The following CAPN3 variants were observed in gnomAD, a reference collection of about 807,000 sequenced individuals.
The protein encoded by CAPN3 is calpain 3.
In CAPN3, 88 loss-of-function variants were observed where a neutral mutation model predicts 114.0. The observed-to-expected ratio is 0.77, with a 90% CI of 0.65 to 0.92. The LOEUF is 0.92. Among genes scored for constraint, CAPN3 ranks in the 40% least tolerant of loss-of-function variants. The probability of loss-of-function intolerance (pLI) is 0.00; values close to 1 mark genes in which losing one functional copy is unlikely to be tolerated. For missense variants in CAPN3, 1,028 were observed against 1,069.0 expected (o/e 0.96, Z 0.53); for synonymous variants, 386 against 382.9 (o/e 1.01, Z -0.09).
chr15:42,409,447 A>G (rs978650228), intron 17 of CAPN3, 67 bp downstream of exon 17: 26 of 1,401,126 alleles, frequency 1.9e-5, no homozygotes, highest in Non-Finnish European at 2.5e-5. Flanking sequence ...TGCTCAGATT[A>G]CCAATTATTT....
chr15:42,362,042 G>A (rs1312824647), intron 1 of CAPN3, among the ~76,000 whole-genome samples: 1 of 152,212 alleles, frequency 6.6e-6, no homozygotes, highest in African/African-American at 2.4e-5. Flanking sequence ...GCTGATGCTG[G>A]TGAGTGAAAA....
At chr15:42,384,197 A>G (rs926479895) in intron 1 of CAPN3, among the ~76,000 whole-genome samples, 4 of 152,048 alleles carry the variant, frequency 2.6e-5, no homozygotes, top group Non-Finnish European at 5.9e-5. Flanking sequence ...GTGGATCACA[A>G]GGTCAAGAGA....
chr15:42,367,493 A>G (rs1055161047), intron 1 of CAPN3, among the ~76,000 whole-genome samples: 8 of 152,234 alleles, frequency 5.3e-5, no homozygotes, highest in African/African-American at 1.9e-4. Flanking sequence ...GAACTTTCAG[A>G]AGTGTATTAT....
At chr15:42,360,589 C>G (rs1328107445) in intron 1 of CAPN3, among the ~76,000 whole-genome samples, 1 of 152,074 alleles carries the variant, frequency 6.6e-6, no homozygotes, top group African/African-American at 2.4e-5. Context: ...TTCTGAAACA[C>G]AGAAACCCTA....
In CAPN3 at chr15:42,360,075, C is replaced by T. The variant is rs753686702; in HGVS notation, c.270C>T (p.Ser90=). Residue 90 remains serine (S), a synonymous_variant, in exon 1 of 24, where the codon AGC becomes AGT. Coordinates refer to ENST00000397163, the MANE Select transcript of CAPN3 (RefSeq NM_000070.3). ...CGGATGAGACCTCTCTCTTTTATAGCCAGAAGTTCCCCATCCAGTTCGTCT... is the reference window on the plus strand; with the variant it reads ...CGGATGAGACCTCTCTCTTTTATAGTCAGAAGTTCCCCATCCAGTTCGTCT... ...FPPDETSLFY[S]QKFPIQFVWK... 54 of 1,614,078 alleles carry T rather than the reference C, an allele frequency of 3.3e-5. No individual in the cohort carries two copies. Among genetic ancestry groups the T allele is most frequent in the Non-Finnish European group, 4.3e-5 (51 of 1,180,014 alleles).
chr15:42,405,722 G>T (rs2054000224), intron 14 of CAPN3, among the ~76,000 whole-genome samples: 1 of 152,120 alleles, frequency 6.6e-6, no homozygotes, highest in Non-Finnish European at 1.5e-5. Context: ...GCAGTCACTG[G>T]TGTCTGGGCA....
intron 1 of CAPN3, among the ~76,000 whole-genome samples, chr15:42,366,907 C>T (rs958608409): frequency 6.7e-6 from 1 of 148,434 alleles, no homozygotes; most frequent in Non-Finnish European, 1.5e-5. Context: ...CAGCTCAGCT[C>T]ACTGCAACCT....
intron 1 of CAPN3, among the ~76,000 whole-genome samples, chr15:42,369,158 C>A: frequency 6.6e-6 from 1 of 151,952 alleles, no homozygotes. Context: ...TTTGGAATGT[C>A]TCTGGTTGGA....
intron 14 of CAPN3, among the ~76,000 whole-genome samples, chr15:42,405,340 C>A (rs2053987433): frequency 1.3e-5 from 2 of 152,118 alleles, no homozygotes; most frequent in African/African-American, 4.8e-5. Flanking sequence ...GACGGAGTTT[C>A]ACTCTTGTCA....
At chr15:42,392,530 G>A (rs1345821132) in intron 6 of CAPN3, 109 bp from the exon 7 acceptor site, 1 of 811,570 alleles carries the variant, frequency 1.2e-6, no homozygotes, top group Non-Finnish European at 2.1e-6. Flanking sequence ...GAGCAGAGTG[G>A]TCTGTGTCTT....
At chr15:42,384,611 G>A in intron 2 of CAPN3, 59 bp downstream of exon 2, 5 of 1,263,592 alleles carry the variant, frequency 4.0e-6, no homozygotes, top group Non-Finnish European at 5.8e-6. Flanking sequence ...TACAAGGTGT[G>A]ATCCCCTTCC....
rs549092966 is a variant in CAPN3 at position 42,401,641 on chromosome 15, A to G, written c.1355A>G (p.Asp452Gly). 4.3e-6 allele frequency: 7 copies of G among 1,614,044 alleles called. No individual in the cohort carries two copies. In the East Asian group the frequency reaches 1.3e-4, roughly 31 times the overall value. Residue 452 changes from aspartate (D) to glycine (G), a missense_variant and splice_region_variant, in exon 11 of 24, where the codon GAT becomes GGT. Transcript: ENST00000397163. The stretch of plus-strand genomic sequence containing the variant: ...GCGTGCTTCCTTTCTGGGGGTGCAG[A>G]TACTTTCTGGACCAACCCTCAGTAC... ...CSAGGCRNFPDTFWTNPQYRL... is the reference protein window; with the variant it reads ...CSAGGCRNFPGTFWTNPQYRL...
At position 42,363,849 on chromosome 15, in the gene CAPN3, C is replaced by A. The variant is rs117630910; in HGVS notation, c.309+3735C>A. Among the ~76,000 whole-genome samples the A allele has an allele frequency of 4.0e-5, 6 of 149,844 alleles. No homozygotes were observed. In the East Asian group the frequency reaches 1.2e-3, roughly 29 times the overall value. On this transcript the variant is annotated intron_variant, in intron 1 of 23. Transcript: ENST00000397163. ...AGTCTCAGAGGGATTAAATAACTCG[C>A]GCCAGATCTCCCAGTTAGTGAGGGT...
At chr15:42,391,542 C>CT (rs2053556591) in intron 6 of CAPN3, among the ~76,000 whole-genome samples, 2 of 152,300 alleles carry the variant, frequency 1.3e-5, no homozygotes, top group South Asian at 4.1e-4. Flanking sequence ...ACCCATACCC[C>CT]TCGCCCTGAA....
intron 1 of CAPN3, among the ~76,000 whole-genome samples, chr15:42,379,815 A>G (rs2053189555): frequency 6.6e-6 from 1 of 152,104 alleles, no homozygotes; most frequent in Non-Finnish European, 1.5e-5. Context: ...ATGAGTTTTT[A>G]TATTTAAAGT....
intron 1 of CAPN3, among the ~76,000 whole-genome samples, chr15:42,383,764 G>T (rs2053309094): frequency 6.6e-6 from 1 of 151,728 alleles, no homozygotes; most frequent in African/African-American, 2.4e-5. Flanking sequence ...GTAGAGACAG[G>T]GTTTCACTAT....
Position 42,410,481 on chromosome 15 carries a change from G to A in CAPN3, c.2169G>A (p.Lys723=). Residue 723 remains lysine (K), a synonymous_variant, in exon 20 of 24, where the codon AAG becomes AAA. Coordinates refer to ENST00000397163, the MANE Select transcript of CAPN3 (RefSeq NM_000070.3). ...AGGAGTTCCACCACCTCTGGAACAA[G>A]ATTAAGGCCTGGCAGGTGGGAAGAG... The part of the protein sequence containing the change: ...NLQEFHHLWN[K]IKAWQKIFKH... The A allele has an allele frequency of 6.2e-7, 1 of 1,614,190 alleles. No homozygotes were observed. Among genetic ancestry groups the A allele is most frequent in the Middle Eastern group, 1.6e-4 (1 of 6,062 alleles).
intron 1 of CAPN3, among the ~76,000 whole-genome samples, chr15:42,374,988 T>A (rs1460081959): frequency 1.6e-5 from 1 of 61,224 alleles, no homozygotes; most frequent in South Asian, 8.1e-4. Context: ...TAAATAAAAA[T>A]TTATTTATTT....
At chr15:42,381,309 G>T (rs1372145252) in intron 1 of CAPN3, among the ~76,000 whole-genome samples, 1 of 151,966 alleles carries the variant, frequency 6.6e-6, no homozygotes, top group Non-Finnish European at 1.5e-5. Context: ...TTGCATGGCA[G>T]GTCTGCTGGC....
Sources: allele counts gnomAD v4.1 joint callset (sites outside exome capture counted in the v4.1 genomes callset), GRCh38; gene constraint gnomAD v4.1.1; transcripts MANE v1.5; gene names NCBI Gene and HGNC (gene_info 2026-07-23, HGNC 2026-07-21).